ANKK1: variants seen among roughly 807,000 people sequenced by gnomAD.
ANKK1 encodes the protein ankyrin repeat and kinase domain containing 1.
In ANKK1, 37 loss-of-function variants were observed where a neutral mutation model predicts 37.6. The ratio of observed to expected loss-of-function variants is 0.98; its 90% CI spans 0.76 to 1.29. The LOEUF (loss-of-function observed/expected upper bound fraction) is 1.29. Among genes scored for constraint, ANKK1 ranks in the 50% most tolerant of loss-of-function variants. The probability of loss-of-function intolerance (pLI) is 0.00; values close to 1 mark genes in which losing one functional copy is unlikely to be tolerated. For synonymous variants in ANKK1, 415 were observed against 418.7 expected, an observed-to-expected ratio of 0.99 and a Z score of 0.11; for missense variants, 1,019 against 990.6, an observed-to-expected ratio of 1.03 and a Z score of -0.39.
rs199747130 is a variant in ANKK1 at position 113,397,269 on chromosome 11, G to T, written c.884G>T (p.Arg295Leu). 1.8e-3 allele frequency: 2,828 copies of T among 1,611,998 alleles called. 17 individuals carry two copies. The highest frequency in any genetic ancestry group is 7.6e-3 in the South Asian group (692 of 91,060). The change falls in exon 6 of 8, where the codon CGT (arginine) becomes CTT (leucine). Residue 295 changes from arginine (R) to leucine (L), a missense_variant. By Grantham distance (102) the Arg-to-Leu change is moderately radical. Transcript: ENST00000303941. ...TDILLSLLQS[R>L]VAVPESKALA... is the part of the protein sequence containing the mutation. ...ATACTGCTGTCACTGCTGCAGAGTC[G>T]TGTGGCAGTCCCAGAGAGCAAGGCC...
intron 1 of ANKK1, among the ~76,000 whole-genome samples, chr11:113,390,500 A>G (rs571088308): frequency 1.2e-4 from 18 of 152,346 alleles, no homozygotes; most frequent in African/African-American, 4.3e-4. Flanking sequence ...GCACTTTGAG[A>G]GGCCAAGGCT....
In ANKK1 at chr11:113,388,042, C is replaced by T; in HGVS notation, c.158C>T (p.Ala53Val). Residue 53 changes from alanine to valine, a missense_variant, in exon 1 of 8, where the codon GCC (alanine) becomes GTC (valine). Ala to Val is a moderately conservative substitution (Grantham distance 64). Coordinates refer to ENST00000303941, the MANE Select transcript of ANKK1 (RefSeq NM_178510.2). ...CGGACGGAGTACGCCATCAAGTGCG[C>T]CCCCTGCCTTCCACCCGACGCCGCC... is the stretch of plus-strand genomic sequence containing the variant. Reference protein sequence around the residue: ...RWRTEYAIKCAPCLPPDAASS... With the variant: ...RWRTEYAIKCVPCLPPDAASS... 2 of 1,530,040 alleles carry T rather than the reference C, an allele frequency of 1.3e-6. No homozygotes were observed. Among genetic ancestry groups the T allele is most frequent in the Non-Finnish European group, 8.8e-7 (1 of 1,136,878 alleles). The allele number at this position is 1,530,040 out of a possible 1,614,324, so 94.8% of individuals were successfully genotyped here.
rs1288981112 is a variant in ANKK1 at position 113,388,009 on chromosome 11, G to A, written c.125G>A (p.Arg42Lys). 12 of 1,567,504 alleles carry A rather than the reference G, an allele frequency of 7.7e-6. No homozygotes were observed. The highest frequency in any genetic ancestry group is 1.2e-5 in the South Asian group (1 of 85,928). ...AGCCAGGTGTTCCAGGCGCGGCACA[G>A]GCGCTGGCGGACGGAGTACGCCATC... is the stretch of plus-strand genomic sequence containing the variant. ...GFSQVFQARH[R>K]RWRTEYAIKC... Residue 42 changes from arginine (R) to lysine (K), a missense_variant, in exon 1 of 8, where the codon AGG (arginine) becomes AAG (lysine). Transcript: ENST00000303941.
Position 113,393,684 on chromosome 11 carries a change from C to T in ANKK1, c.389C>T (p.Ala130Val), listed in dbSNP as rs2138127273. The change falls in exon 2 of 8, where the codon GCC becomes GTC. Residue 130 changes from alanine to valine, a missense_variant. By Grantham distance (64) the Ala-to-Val change is moderately conservative. Transcript: ENST00000303941. ...RFRIIHETSL[A>V]MNFLHSIKPP... ...CGCATCATCCATGAGACCAGCTTGG[C>T]CATGAACTTCCTGCACAGCATTAAG... 2 of 1,613,976 alleles carry T rather than the reference C, an allele frequency of 1.2e-6. No homozygotes were observed. The highest frequency in any genetic ancestry group is 1.1e-5 in the South Asian group (1 of 91,086).
chr11:113,396,225 G>A lies in ANKK1; in HGVS notation c.838+3G>A, dbSNP rs1388451086. Reference sequence around the variant, plus strand: ...CAAGAAGAGGCCATGCTTTCTAGGTGCTTATCCAGTGCCCCCTACCCAGGG... The same window carrying A: ...CAAGAAGAGGCCATGCTTTCTAGGTACTTATCCAGTGCCCCCTACCCAGGG... On this transcript the variant is annotated splice_donor_region_variant and intron_variant, in intron 5 of 7. Transcript: ENST00000303941. 6.2e-7 allele frequency: 1 copy of A among 1,613,514 alleles called. No homozygotes were observed. The highest frequency in any genetic ancestry group is 1.3e-5 in the African/African-American group (1 of 74,930).
In ANKK1 at chr11:113,399,953, C is replaced by A; in HGVS notation, c.1984C>A (p.Pro662Thr). The A allele has an allele frequency of 5.6e-6, 9 of 1,613,666 alleles. No individual in the cohort carries two copies. Among genetic ancestry groups the A allele is most frequent in the Non-Finnish European group, 7.6e-6 (9 of 1,179,906 alleles). ...TGCTGCAGAGCAGTCAGGCTGGACACCCCTCCACCTGGCGGTCCAGAGGAG... is the reference window on the plus strand; with the variant it reads ...TGCTGCAGAGCAGTCAGGCTGGACAACCCTCCACCTGGCGGTCCAGAGGAG... ...PNAAEQSGWT[P>T]LHLAVQRSTF... is the part of the protein sequence containing the mutation. Residue 662 changes from proline (P) to threonine (T), a missense_variant, in exon 8 of 8, where the codon CCC becomes ACC. Coordinates refer to ENST00000303941, the MANE Select transcript of ANKK1 (RefSeq NM_178510.2).
rs553522121 is a variant in ANKK1 at position 113,393,831 on chromosome 11, A to G, written c.480+56A>G. 18 of 1,526,474 alleles carry G rather than the reference A, an allele frequency of 1.2e-5. 1 individual carries two copies. In the South Asian group the frequency reaches 2.3e-4, roughly 19 times the overall value. 94.6% of individuals were successfully genotyped at this position (1,526,474 alleles called of 1,614,324 possible). Reference sequence around the variant, plus strand: ...TTCACTTGAGGGTTGCCTCCAGGTGAGCAGAATTATCCACCTGCCTGACCG... The same window carrying G: ...TTCACTTGAGGGTTGCCTCCAGGTGGGCAGAATTATCCACCTGCCTGACCG... On this transcript the variant is annotated intron_variant, in intron 2 of 7. Transcript: ENST00000303941.
chr11:113,399,910 G>A lies in ANKK1; in HGVS notation c.1941G>A (p.Gln647=), dbSNP rs747460465. Residue 647 remains glutamine, a synonymous_variant, in exon 8 of 8, where the codon CAG becomes CAA. Transcript: ENST00000303941. The stretch of plus-strand genomic sequence containing the variant: ...AGGCGGTGGTGTCAGCACTGCTGCA[G>A]TGTGGGGCTGACCCCAATGCTGCAG... ...GEEAVVSALL[Q]CGADPNAAEQ... 5.0e-6 allele frequency: 8 copies of A among 1,613,408 alleles called. No individual in the cohort carries two copies. In the Admixed American group the frequency reaches 6.7e-5, roughly 13 times the overall value.
Position 113,399,021 on chromosome 11 carries a change from C to G in ANKK1, c.1052C>G (p.Pro351Arg), listed in dbSNP as rs771592036. ...CTCTCCGACCGTAAGAATTTGGTCCCGAGAGATGAGGAACTGTGTATCTAT... is the reference window on the plus strand; with the variant it reads ...CTCTCCGACCGTAAGAATTTGGTCCGGAGAGATGAGGAACTGTGTATCTAT... ...LQLSDRKNLV[P>R]RDEELCIYEN... The change falls in exon 8 of 8, where the codon CCG becomes CGG. Residue 351 changes from proline (P) to arginine (R), a missense_variant. Physicochemically the swap from Pro to Arg is moderately radical, Grantham distance 103. Coordinates refer to ENST00000303941, the MANE Select transcript of ANKK1 (RefSeq NM_178510.2). The G allele has an allele frequency of 2.5e-6, 4 of 1,600,908 alleles. No homozygotes were observed. The highest frequency in any genetic ancestry group is 3.4e-5 in the Admixed American group (2 of 58,526).
chr11:113,393,997 A>T (rs1372098190), intron 2 of ANKK1, among the ~76,000 whole-genome samples: 1 of 152,214 alleles, frequency 6.6e-6, no homozygotes, highest in Admixed American at 6.5e-5. Context: ...CTTTGGACTC[A>T]GTTTCCCATT....
intron 6 of ANKK1, 33 bp from the exon 7 acceptor site, chr11:113,397,947 T>C (rs956481550): frequency 1.3e-6 from 2 of 1,554,170 alleles, no homozygotes; most frequent in African/African-American, 2.7e-5. Context: ...GCGCCACTGA[T>C]CTCCACCCTG....
intron 1 of ANKK1, among the ~76,000 whole-genome samples, chr11:113,391,319 A>G (rs1950585489): frequency 6.6e-6 from 1 of 152,254 alleles, no homozygotes. Flanking sequence ...TTTCTCAGCC[A>G]TGAAAGAACT....
intron 7 of ANKK1, 147 bp downstream of exon 7, chr11:113,398,163 G>C (rs1950654742): frequency 4.2e-6 from 4 of 941,600 alleles, no homozygotes. Context: ...CCAGCACCCA[G>C]CTGCATGTTC....
chr11:113,399,192 C>T lies in ANKK1; in HGVS notation c.1223C>T (p.Pro408Leu), dbSNP rs938003762. 1.9e-6 allele frequency: 3 copies of T among 1,601,640 alleles called. No individual in the cohort carries two copies. The African/African-American group carries it at 4.0e-5, about 21-fold the overall frequency. ...CTGATCGCCGCCCAGGACCAGCAACCCGACCTCTGTGCCCTGCTTTTGGCA... is the reference window on the plus strand; with the variant it reads ...CTGATCGCCGCCCAGGACCAGCAACTCGACCTCTGTGCCCTGCTTTTGGCA... ...PLLIAAQDQQ[P>L]DLCALLLAHG... The change falls in exon 8 of 8, where the codon CCC (proline) becomes CTC (leucine). Residue 408 changes from proline to leucine, a missense_variant. Coordinates refer to ENST00000303941, the MANE Select transcript of ANKK1 (RefSeq NM_178510.2).
intron 7 of ANKK1, 72 bp downstream of exon 7, chr11:113,398,088 C>T: frequency 1.3e-6 from 2 of 1,523,464 alleles, no homozygotes; most frequent in Admixed American, 2.0e-5. Context: ...ACACCCTTTC[C>T]CCATCCCCCT....
chr11:113,397,131 G>A (rs1950645127), intron 5 of ANKK1, 93 bp from the exon 6 acceptor site: 2 of 1,029,122 alleles, frequency 1.9e-6, no homozygotes, highest in Non-Finnish European at 2.8e-6. Context: ...AATGGATTTT[G>A]GGAGACAGGA....
intron 1 of ANKK1, 85 bp downstream of exon 1, chr11:113,388,154 G>C: frequency 7.1e-7 from 1 of 1,415,040 alleles, no homozygotes. Context: ...CGAGGAAGGA[G>C]TGGGCTGAGT....
At position 113,388,066 on chromosome 11, in the gene ANKK1, C is replaced by G. The variant is rs1283043312; in HGVS notation, c.182C>G (p.Ala61Gly). ...GCCCCCTGCCTTCCACCCGACGCCG[C>G]CAGGTACTGCCAGCCTCGCCCTCCC... ...KCAPCLPPDA[A>G]SSDVNYLIEE... The change falls in exon 1 of 8, where the codon GCC becomes GGC. Residue 61 changes from alanine to glycine, a missense_variant. Ala to Gly is a moderately conservative substitution (Grantham distance 60). Transcript: ENST00000303941. The G allele has an allele frequency of 6.7e-7, 1 of 1,490,182 alleles. No individual in the cohort carries two copies. The highest frequency in any genetic ancestry group is 1.3e-5 in the South Asian group (1 of 78,582). The allele number at this position is 1,490,182 out of a possible 1,614,324, so 92.3% of individuals were successfully genotyped here. A position where few individuals can be genotyped will look rare whatever the true frequency, so the allele number is the denominator to read the frequency against.
chr11:113,399,002 G>C lies in ANKK1; in HGVS notation c.1033G>C (p.Asp345His). The change falls in exon 8 of 8, where the codon GAC becomes CAC. Residue 345 changes from aspartate (D) to histidine (H), a missense_variant. Coordinates refer to ENST00000303941, the MANE Select transcript of ANKK1 (RefSeq NM_178510.2). Reference protein sequence around the residue: ...NYLKRALQLSDRKNLVPRDEE... With the variant: ...NYLKRALQLSHRKNLVPRDEE... ...CCTGAAGCGGGCCCTTCAGCTCTCC[G>C]ACCGTAAGAATTTGGTCCCGAGAGA... The C allele has an allele frequency of 1.9e-6, 3 of 1,594,468 alleles. No individual in the cohort carries two copies. Among genetic ancestry groups the C allele is most frequent in the Non-Finnish European group, 2.6e-6 (3 of 1,170,388 alleles).
Sources: gnomAD v4.1 joint callset for allele counts (sites outside exome capture counted in the v4.1 genomes callset) on GRCh38, gnomAD v4.1.1 for gene constraint, MANE v1.5 for transcripts, NCBI Gene and HGNC (gene_info 2026-07-23, HGNC 2026-07-21) for gene names.